FRYL: variants seen among roughly 807,000 people sequenced by gnomAD.
FRYL encodes protein furry homolog-like.
Under a neutral mutation model 351.2 loss-of-function variants are expected in FRYL, and 150 were observed. The ratio of observed to expected loss-of-function variants is 0.43; its 90% CI spans 0.37 to 0.49. The LOEUF (loss-of-function observed/expected upper bound fraction) is 0.49. Among genes scored for constraint, FRYL ranks in the 20% least tolerant of loss-of-function variants. The probability of loss-of-function intolerance (pLI) is 0.00; values close to 1 mark genes in which losing one functional copy is unlikely to be tolerated. For synonymous variants in FRYL, 1,153 were observed against 1,257.1 expected (o/e 0.92, Z 1.75); for missense variants, 3,036 against 3,619.3 (o/e 0.84, Z 4.13).
Position 48,594,013 on chromosome 4 carries a change from G to A in FRYL, c.1252C>T (p.Arg418Cys), listed in dbSNP as rs768629142. The A allele has an allele frequency of 9.7e-6, 14 of 1,449,976 alleles. No homozygotes were observed. Among genetic ancestry groups the A allele is most frequent in the Admixed American group, 8.6e-5 (3 of 34,780 alleles). 89.8% of individuals were successfully genotyped at this position (1,449,976 alleles called of 1,614,324 possible). The change falls in exon 16 of 64, where the codon CGC becomes TGC. Residue 418 changes from arginine to cysteine, a missense_variant. By Grantham distance (180) the Arg-to-Cys change is radical. This residue lies in a region of FRYL where 457 missense variants were observed against 566.6 expected (regional missense o/e 0.81). Coordinates refer to ENST00000358350, the MANE Select transcript of FRYL (RefSeq NM_015030.2). ...ATTTCTTTCATTGCAAAATCCAAGC[G>A]TTCCTTAAAAAAAAAAAAATCCTTA... ...VKIIQFIAQE[R>C]LDFAMKEIIF...
chr4:48,632,200 T>C (rs1391368874), intron 4 of FRYL, among the ~76,000 whole-genome samples: 1 of 143,214 alleles, frequency 7.0e-6, no homozygotes, highest in Non-Finnish European at 1.5e-5. Flanking sequence ...TATCACATGA[T>C]ACTACTATAA....
At chr4:48,632,329 C>A (rs1332117270) in intron 4 of FRYL, among the ~76,000 whole-genome samples, 2 of 149,776 alleles carry the variant, frequency 1.3e-5, no homozygotes, top group African/African-American at 4.9e-5. Context: ...ATATGTTTGA[C>A]ATTTTCCATA....
At chr4:48,578,829 C>T in intron 23 of FRYL, 144 bp downstream of exon 23, 1 of 649,224 alleles carries the variant, frequency 1.5e-6, no homozygotes, top group Non-Finnish European at 2.6e-6. Context: ...TGACAACATT[C>T]TTCTCCCTCC....
intron 3 of FRYL, among the ~76,000 whole-genome samples, chr4:48,656,381 T>TATTACATAATATATACTAAATATATTAC (rs1296304084): frequency 7.5e-6 from 1 of 133,254 alleles, no homozygotes. Flanking sequence ...ATACTAAATA[T>TATTACATAATATATACTAAATATATTAC]ATAATATATA....
chr4:48,594,228 A>G (rs1240980483), intron 15 of FRYL, among the ~76,000 whole-genome samples: 1 of 152,210 alleles, frequency 6.6e-6, no homozygotes, highest in East Asian at 1.9e-4. Context: ...ACCCAAACCA[A>G]CAGAATAAAG....
intron 2 of FRYL, among the ~76,000 whole-genome samples, chr4:48,709,630 G>C (rs2149588670): frequency 1.3e-5 from 2 of 152,176 alleles, no homozygotes; most frequent in South Asian, 4.1e-4. Context: ...GTTCATTATA[G>C]TTCATAAAGT....
chr4:48,568,227 G>GT (rs1414580235), intron 27 of FRYL, among the ~76,000 whole-genome samples: 1 of 152,164 alleles, frequency 6.6e-6, no homozygotes, highest in Non-Finnish European at 1.5e-5. Context: ...TCCCGCCTTG[G>GT]TGACAGAGCA....
chr4:48,703,529 C>G (rs1444486677), intron 2 of FRYL, among the ~76,000 whole-genome samples: 1 of 152,160 alleles, frequency 6.6e-6, no homozygotes, highest in Non-Finnish European at 1.5e-5. Context: ...TCCTAGAAGT[C>G]CAACTTCGTT....
In FRYL at chr4:48,567,384, G is replaced by C; in HGVS notation, c.3033C>G (p.Leu1011=). The C allele has an allele frequency of 6.2e-7, 1 of 1,607,706 alleles. No individual in the cohort carries two copies. The highest frequency in any genetic ancestry group is 8.5e-7 in the Non-Finnish European group (1 of 1,178,138). Residue 1011 remains leucine (L), a synonymous_variant, in exon 28 of 64, where the codon CTC becomes CTG. Coordinates refer to ENST00000358350, the MANE Select transcript of FRYL (RefSeq NM_015030.2). This position sits in a 1 kb window ranked among gnomAD's most constrained non-coding sequence, Gnocchi z 4.2. ...SGGLDNETHF[L]NNTLLEYVDL... The stretch of plus-strand genomic sequence containing the variant: ...CTACATATTCCAATAAAGTGTTGTT[G>C]AGAAAATGTGTTTCATTATCAAGGC...
At chr4:48,696,299 T>C (rs952025622) in intron 2 of FRYL, among the ~76,000 whole-genome samples, 1 of 152,014 alleles carries the variant, frequency 6.6e-6, no homozygotes, top group African/African-American at 2.4e-5. Context: ...AATGATAGAC[T>C]GGATAAAGAA....
intron 1 of FRYL, among the ~76,000 whole-genome samples, chr4:48,758,885 G>A (rs1774106242): frequency 6.6e-6 from 1 of 152,170 alleles, no homozygotes; most frequent in South Asian, 2.1e-4. Context: ...TATACACCAT[G>A]GAATACTATG....
chr4:48,661,862 T>A (rs1760795735), intron 3 of FRYL, among the ~76,000 whole-genome samples: 2 of 150,796 alleles, frequency 1.3e-5, no homozygotes, highest in East Asian at 1.9e-4. Context: ...ATAAATACAA[T>A]GAAGAAGAAA....
At chr4:48,502,200 T>C (rs1719840681) in intron 61 of FRYL, among the ~76,000 whole-genome samples, 1 of 152,210 alleles carries the variant, frequency 6.6e-6, no homozygotes, top group African/African-American at 2.4e-5. Context: ...TGAGGTCATT[T>C]TTCTAAAGAA....
At chr4:48,578,213 G>A (rs1740068336) in intron 23 of FRYL, among the ~76,000 whole-genome samples, 2 of 152,008 alleles carry the variant, frequency 1.3e-5, no homozygotes, top group Non-Finnish European at 2.9e-5. Context: ...AGTATTGATA[G>A]AAAGTAAGAA....
intron 7 of FRYL, among the ~76,000 whole-genome samples, chr4:48,613,954 CAAA>C (rs35519906): frequency 6.1e-5 from 7 of 115,056 alleles, no homozygotes; most frequent in Admixed American, 9.7e-5. Flanking sequence ...TGACTCCAAC[CAAA>C]AAAAAAAAAA....
intron 7 of FRYL, among the ~76,000 whole-genome samples, chr4:48,614,952 A>G (rs1749101702): frequency 6.7e-6 from 1 of 148,560 alleles, no homozygotes; most frequent in Non-Finnish European, 1.5e-5. Context: ...TCAGCCTCCC[A>G]AGTAGCTGGG....
Position 48,539,991 on chromosome 4 carries a change from T to C in FRYL, c.6373A>G (p.Thr2125Ala). The C allele has an allele frequency of 6.2e-7, 1 of 1,612,602 alleles. No individual in the cohort carries two copies. The highest frequency in any genetic ancestry group is 8.5e-7 in the Non-Finnish European group (1 of 1,178,960). ...CTTACCTTTGCTATTCGACTAGCTGTTTCTTTGCAAAACTGAGTTGGGCTG... is the reference window on the plus strand; with the variant it reads ...CTTACCTTTGCTATTCGACTAGCTGCTTCTTTGCAAAACTGAGTTGGGCTG... ...FDSPTQFCKE[T>A]ASRIAKVCAE... The change falls in exon 47 of 64, where the codon ACA becomes GCA. Residue 2125 changes from threonine (T) to alanine (A), a missense_variant. Thr to Ala is a moderately conservative substitution (Grantham distance 58). Transcript: ENST00000358350.
chr4:48,521,313 G>C, intron 54 of FRYL, 98 bp from the exon 55 acceptor site: 2 of 806,804 alleles, frequency 2.5e-6, no homozygotes, highest in South Asian at 4.6e-5. Context: ...TCGTTATAAA[G>C]AGCTTCTGAG....
chr4:48,571,112 G>T (rs529156691), intron 26 of FRYL, among the ~76,000 whole-genome samples, 194 bp from the exon 27 acceptor site: 76 of 152,316 alleles, frequency 5.0e-4, no homozygotes, highest in Admixed American at 1.2e-3. Flanking sequence ...GTCAAATAAG[G>T]TCACATGACA....
Sources: gnomAD v4.1 joint callset for allele counts (sites outside exome capture counted in the v4.1 genomes callset) on GRCh38, gnomAD v4.1.1 for gene constraint, gnomAD v4.1.1 regional missense constraint, Gnocchi (gnomAD v3.1) non-coding constraint, MANE v1.5 for transcripts, NCBI Gene and HGNC (gene_info 2026-07-23, HGNC 2026-07-21) for gene names.